The following ELFN2 variants were observed in gnomAD, a reference collection of about 807,000 sequenced individuals.
ELFN2 encodes extracellular leucine rich repeat and fibronectin type III domain containing 2, also known as protein phosphatase 1 regulatory subunit 29.
In ELFN2, 17 loss-of-function variants were observed where a neutral mutation model predicts 45.5. That is an observed-to-expected ratio of 0.37 (90% CI 0.26 to 0.56). The LOEUF (loss-of-function observed/expected upper bound fraction) is 0.56, where lower values mean the gene tolerates loss of function less well. Among genes scored for constraint, ELFN2 ranks in the 20% least tolerant of loss-of-function variants. The pLI, the probability that ELFN2 is intolerant of heterozygous loss-of-function variation, is 0.77. For synonymous variants in ELFN2, 550 were observed against 551.5 expected, an observed-to-expected ratio of 1.00 and a Z score of 0.04; for missense variants, 922 against 1,183.2, an observed-to-expected ratio of 0.78 and a Z score of 3.24.
chr22:37,347,735 A>T (rs929075043), intron 1 of ELFN2, among the ~76,000 whole-genome samples: 2 of 151,978 alleles, frequency 1.3e-5, no homozygotes, highest in Non-Finnish European at 2.9e-5. Context: ...TACCTGGAAG[A>T]TTTTTAAGAG....
intron 2 of ELFN2, among the ~76,000 whole-genome samples, chr22:37,342,329 A>G (rs1236279054): frequency 6.6e-6 from 1 of 151,822 alleles, no homozygotes; most frequent in Non-Finnish European, 1.5e-5. Context: ...CCTTTCTCCC[A>G]TTATTGCCCT....
chr22:37,341,756 G>C (rs1930565156), intron 2 of ELFN2, among the ~76,000 whole-genome samples: 1 of 152,172 alleles, frequency 6.6e-6, no homozygotes, highest in South Asian at 2.1e-4. Context: ...CAGAAATACT[G>C]GTTTCGTTGG....
At chr22:37,361,487 C>G (rs1931085925) in intron 1 of ELFN2, among the ~76,000 whole-genome samples, 1 of 152,030 alleles carries the variant, frequency 6.6e-6, no homozygotes, top group African/African-American at 2.4e-5. Context: ...GGGTCGTTCC[C>G]TCCTCTGTGA....
At chr22:37,359,160 G>C (rs1201289202) in intron 1 of ELFN2, among the ~76,000 whole-genome samples, 4 of 152,190 alleles carry the variant, frequency 2.6e-5, no homozygotes, top group African/African-American at 4.8e-5. Context: ...TGGAGACCTG[G>C]ATTAAGGCCA....
intron 2 of ELFN2, among the ~76,000 whole-genome samples, chr22:37,387,250 G>C (rs563990109): frequency 4.0e-5 from 6 of 151,620 alleles, no homozygotes; most frequent in Admixed American, 1.3e-4. Context: ...CCTGTTCCCC[G>C]GCCTCGGTTT....
At chr22:37,415,394 C>T (rs375947495) in intron 2 of ELFN2, among the ~76,000 whole-genome samples, 2 of 152,348 alleles carry the variant, frequency 1.3e-5, no homozygotes, top group South Asian at 4.1e-4. Context: ...GGACAGGGCT[C>T]GCCTGATGAA....
intron 2 of ELFN2, among the ~76,000 whole-genome samples, chr22:37,392,179 T>C (rs1193032693): frequency 6.6e-6 from 1 of 152,214 alleles, no homozygotes; most frequent in Non-Finnish European, 1.5e-5. Context: ...TCTGCCCCCG[T>C]CTCTAAAAAG....
chr22:37,394,309 A>G (rs1461292144), intron 2 of ELFN2, among the ~76,000 whole-genome samples: 2 of 151,878 alleles, frequency 1.3e-5, no homozygotes, highest in Non-Finnish European at 2.9e-5. Flanking sequence ...AGTGTGCCCC[A>G]AGGTCCTCCC....
At chr22:37,341,279 C>T (rs1930553946) in intron 2 of ELFN2, among the ~76,000 whole-genome samples, 1 of 152,154 alleles carries the variant, frequency 6.6e-6, no homozygotes, top group Admixed American at 6.5e-5. Context: ...TTCAGTCCCT[C>T]CCACTTTACT....
chr22:37,343,609 T>G (rs1265385290), intron 1 of ELFN2, among the ~76,000 whole-genome samples: 1 of 151,948 alleles, frequency 6.6e-6, no homozygotes, highest in South Asian at 2.1e-4. Flanking sequence ...CTCCCGCTGC[T>G]CAGCCGTGAG....
At chr22:37,362,297 G>A (rs962281008) in intron 1 of ELFN2, among the ~76,000 whole-genome samples, 2 of 152,196 alleles carry the variant, frequency 1.3e-5, no homozygotes, top group Admixed American at 6.5e-5. Flanking sequence ...CCGTCTCTGG[G>A]TTATAATCTA....
At chr22:37,379,175 G>C (rs1054873358) in intron 2 of ELFN2, among the ~76,000 whole-genome samples, 1 of 152,190 alleles carries the variant, frequency 6.6e-6, no homozygotes, top group Non-Finnish European at 1.5e-5. Context: ...TGAGACAGAG[G>C]CACCGACGGC....
At position 37,374,060 on chromosome 22, in the gene ELFN2, T is replaced by C. The variant is rs764482250; in HGVS notation, c.1475A>G (p.Asp492Gly). The C allele has an allele frequency of 9.9e-6, 16 of 1,613,188 alleles. 1 individual carries two copies. Among genetic ancestry groups the C allele is most frequent in the Non-Finnish European group, 1.3e-5 (15 of 1,179,998 alleles). ...GCCTTTGGTGGCTACCTTGGGTGTG[T>C]CCAGCCCGGCCTCCAACCCCTTGGC... ...PTAKGLEAGL[D>G]TPKVATKGNY... The change falls in exon 3 of 3, where the codon GAC (aspartate) becomes GGC (glycine). Residue 492 changes from aspartate to glycine, a missense_variant. By Grantham distance (94) the Asp-to-Gly change is moderately conservative (BLOSUM62 -1). Coordinates refer to ENST00000402918, the MANE Select transcript of ELFN2 (RefSeq NM_052906.5).
chr22:37,350,034 T>C (rs1349303355), intron 1 of ELFN2, among the ~76,000 whole-genome samples: 2 of 150,702 alleles, frequency 1.3e-5, no homozygotes, highest in East Asian at 3.9e-4. Flanking sequence ...TGGCGGGCAG[T>C]GGGGACGGGG....
downstream of ELFN2, among the ~76,000 whole-genome samples, chr22:37,363,508 A>G (rs1357717076): frequency 6.6e-6 from 1 of 152,076 alleles, no homozygotes; most frequent in South Asian, 2.1e-4. Context: ...GCGCGGTCTG[A>G]GATGCAGGTG....
Position 37,373,957 on chromosome 22 carries a change from G to T in ELFN2, c.1578C>A (p.Asn526Lys). Residue 526 changes from asparagine (N) to lysine (K), a missense_variant, in exon 3 of 3, where the codon AAC becomes AAA. Transcript: ENST00000402918. The stretch of plus-strand genomic sequence containing the variant: ...AGATCTCTGCAGCCGAGCCCTGGCC[G>T]TTCTCGAGGTCCGGGAGGTCATCCT... The part of the protein sequence containing the change: ...RPEDDLPDLE[N>K]GQGSAAEIST... The T allele has an allele frequency of 6.2e-7, 1 of 1,612,412 alleles. No homozygotes were observed. The highest frequency in any genetic ancestry group is 8.5e-7 in the Non-Finnish European group (1 of 1,179,708).
At chr22:37,345,319 T>C (rs995140694) in intron 1 of ELFN2, among the ~76,000 whole-genome samples, 1 of 152,228 alleles carries the variant, frequency 6.6e-6, no homozygotes, top group Non-Finnish European at 1.5e-5. Flanking sequence ...TGGGAAGTGG[T>C]ATACAGGCTT....
chr22:37,418,687 C>T (rs927109725), intron 1 of ELFN2, among the ~76,000 whole-genome samples: 6 of 151,956 alleles, frequency 3.9e-5, no homozygotes, highest in African/African-American at 1.5e-4. Context: ...ACCCCATCGT[C>T]AGCCGGGCCC....
chr22:37,363,680 C>T (rs956550950), downstream of ELFN2, among the ~76,000 whole-genome samples: 7 of 152,146 alleles, frequency 4.6e-5, no homozygotes, highest in Admixed American at 1.3e-4. Flanking sequence ...CGGGCCTCAA[C>T]TGGAGGTTGG....
Sources: allele counts gnomAD v4.1 joint callset (sites outside exome capture counted in the v4.1 genomes callset), GRCh38; gene constraint gnomAD v4.1.1; transcripts MANE v1.5; gene names NCBI Gene and HGNC (gene_info 2026-07-23, HGNC 2026-07-21).